The following DNAI3 variants were observed in gnomAD, a reference collection of about 807,000 sequenced individuals.
DNAI3 encodes dynein axonemal intermediate chain 3.
Under a neutral mutation model 115.5 loss-of-function variants are expected in DNAI3, and 83 were observed. That is an observed-to-expected ratio of 0.72 (90% CI 0.60 to 0.86). The LOEUF (loss-of-function observed/expected upper bound fraction) is 0.86, where lower values mean the gene tolerates loss of function less well. Among genes scored for constraint, DNAI3 ranks in the 40% least tolerant of loss-of-function variants. DNAI3 has a pLI of 0.00. For missense variants in DNAI3, 1,004 were observed against 1,075.8 expected (o/e 0.93, Z 0.93); for synonymous variants, 320 against 347.0 (o/e 0.92, Z 0.86).
intron 17 of DNAI3, among the ~76,000 whole-genome samples, chr1:85,121,242 A>C (rs1277351026): frequency 1.3e-5 from 2 of 152,260 alleles, no homozygotes; most frequent in African/African-American, 4.8e-5. Flanking sequence ...CATAAGACAG[A>C]ATAAGAATAC....
Position 85,084,779 on chromosome 1 carries a change from G to C in DNAI3, c.540+84G>C, listed in dbSNP as rs532162165. 7 of 1,266,148 alleles carry C rather than the reference G, an allele frequency of 5.5e-6. No homozygotes were observed. The East Asian group carries it at 2.0e-4, about 37-fold the overall frequency. The allele number at this position is 1,266,148 out of a possible 1,614,324, so 78.4% of individuals were successfully genotyped here. ...TCCTGAGGGATTCATAAGGTTTACT[G>C]TGTTTGCTATGGAGGCATAGTTTTT... On this transcript the variant is annotated intron_variant, in intron 6 of 22. Coordinates refer to ENST00000294664, the MANE Select transcript of DNAI3 (RefSeq NM_145172.5).
chr1:85,073,902 G>C (rs541432088), intron 3 of DNAI3, among the ~76,000 whole-genome samples: 250 of 152,234 alleles, frequency 1.6e-3, no homozygotes, highest in Non-Finnish European at 2.2e-3. Context: ...GGCAGTAGAG[G>C]GGGCAGAGGT....
In DNAI3 at chr1:85,085,970, A is replaced by G; in HGVS notation, c.680A>G (p.Glu227Gly). The change falls in exon 7 of 23, where the codon GAA becomes GGA. Residue 227 changes from glutamate (E) to glycine (G), a missense_variant. Around this residue, in one of 3 missense-constraint regions of DNAI3, gnomAD observed 550 missense variants for 568.1 expected, o/e 0.97. Coordinates refer to ENST00000294664, the MANE Select transcript of DNAI3 (RefSeq NM_145172.5). ...PDKNFTLKQL[E>G]KDVGMQVIPQ... ...AAAAATTTTACCCTTAAACAACTTG[A>G]AAAAGATGTTGGCATGCAAGTAATC... The G allele has an allele frequency of 1.2e-6, 2 of 1,614,172 alleles. No individual in the cohort carries two copies. The highest frequency in any genetic ancestry group is 1.7e-6 in the Non-Finnish European group (2 of 1,180,016).
intron 1 of DNAI3, among the ~76,000 whole-genome samples, chr1:85,071,376 A>T (rs1654268218): frequency 1.3e-5 from 2 of 152,244 alleles, no homozygotes; most frequent in African/African-American, 2.4e-5. Flanking sequence ...AAGCAGTTCC[A>T]TGGAAAACTT....
At chr1:85,130,321 A>G (rs1656275746) in intron 22 of DNAI3, 2 of 645,380 alleles carry the variant, frequency 3.1e-6, no homozygotes, top group Non-Finnish European at 5.0e-6. Flanking sequence ...AGTTTCTGAA[A>G]TTTTCTATAA....
intron 7 of DNAI3, among the ~76,000 whole-genome samples, chr1:85,088,551 C>T (rs987340723): frequency 6.6e-6 from 1 of 152,072 alleles, no homozygotes; most frequent in Non-Finnish European, 1.5e-5. Context: ...AAAGCAAATG[C>T]CTAGTGTTCC....
intron 1 of DNAI3, among the ~76,000 whole-genome samples, chr1:85,065,827 C>T (rs1654081320): frequency 6.6e-6 from 1 of 152,206 alleles, no homozygotes; most frequent in African/African-American, 2.4e-5. Flanking sequence ...ATTTATGTTA[C>T]TTATGCCTTC....
In DNAI3 at chr1:85,108,073, AC is replaced by A. The variant is rs781774059; in HGVS notation, c.1600del (p.Gln534LysfsTer34). 6.2e-7 allele frequency: 1 copy of A among 1,608,288 alleles called. No homozygotes were observed. Among genetic ancestry groups the A allele is most frequent in the Non-Finnish European group, 8.5e-7 (1 of 1,177,758 alleles). On this transcript the variant is annotated frameshift_variant, in exon 15 of 23. Transcript: ENST00000294664. LOFTEE classifies it high-confidence loss of function. ...GGATATTAGACCACAGAAACCTTTA[AC>A]CCCCCAAACAACAGAGAAAAAGAAG... ...FWDIRPQKPL[T>X]PQTTEKKKEE...
chr1:85,092,050 C>T (rs191619929), intron 8 of DNAI3, among the ~76,000 whole-genome samples: 5 of 152,202 alleles, frequency 3.3e-5, no homozygotes, highest in South Asian at 2.1e-4. Context: ...CTCGAGAGTC[C>T]GCTACACAGG....
At chr1:85,117,409 C>T (rs1341030403) in intron 16 of DNAI3, among the ~76,000 whole-genome samples, 1 of 152,036 alleles carries the variant, frequency 6.6e-6, no homozygotes, top group Non-Finnish European at 1.5e-5. Context: ...ACTTTTAAAA[C>T]AAGGTGACAT....
chr1:85,121,730 A>G lies in DNAI3; in HGVS notation c.1918-21A>G, dbSNP rs1277771448. ...CTCTTAAGTTGTCATTGTACTCATCAGGAACCTGTAATATTTTTAGGAAGG... is the reference window on the plus strand; with the variant it reads ...CTCTTAAGTTGTCATTGTACTCATCGGGAACCTGTAATATTTTTAGGAAGG... On this transcript the variant is annotated intron_variant, in intron 17 of 22. Coordinates refer to ENST00000294664, the MANE Select transcript of DNAI3 (RefSeq NM_145172.5). The G allele has an allele frequency of 1.9e-6, 3 of 1,613,036 alleles. No individual in the cohort carries two copies. In the South Asian group the frequency reaches 3.3e-5, roughly 18 times the overall value.
chr1:85,087,965 G>A (rs532412516), intron 7 of DNAI3, among the ~76,000 whole-genome samples: 2 of 152,248 alleles, frequency 1.3e-5, no homozygotes, highest in East Asian at 3.9e-4. Flanking sequence ...AAATGAGTCA[G>A]AAACAAGAGA....
rs1236180395 is a variant in DNAI3 at position 85,093,450 on chromosome 1, C to A, written c.858-8C>A. On this transcript the variant is annotated splice_polypyrimidine_tract_variant and splice_region_variant and intron_variant, in intron 8 of 22. Transcript: ENST00000294664. ...ATCTTAATTGCTTTTTTTATTTTTACAAATTAGTGTTGAAATAGCCCTGCA... is the reference window on the plus strand; with the variant it reads ...ATCTTAATTGCTTTTTTTATTTTTAAAAATTAGTGTTGAAATAGCCCTGCA... 1.9e-6 allele frequency: 3 copies of A among 1,608,964 alleles called. No homozygotes were observed. The highest frequency in any genetic ancestry group is 2.5e-6 in the Non-Finnish European group (3 of 1,178,130).
At chr1:85,062,786 A>T (rs1170487214) in intron 1 of DNAI3, among the ~76,000 whole-genome samples, 1 of 138,186 alleles carries the variant, frequency 7.2e-6, no homozygotes, top group East Asian at 2.0e-4. Context: ...GAACTCAATA[A>T]ACCATGAATG....
intron 1 of DNAI3, among the ~76,000 whole-genome samples, chr1:85,070,806 G>T (rs1233550299): frequency 6.6e-6 from 1 of 152,142 alleles, no homozygotes; most frequent in African/African-American, 2.4e-5. Context: ...CACAAGTAAA[G>T]TACTTGGAAC....
chr1:85,120,224 C>T (rs925836632), intron 17 of DNAI3, among the ~76,000 whole-genome samples: 1 of 152,194 alleles, frequency 6.6e-6, no homozygotes. Flanking sequence ...CACAGCTGAT[C>T]CATCTACTTT....
chr1:85,091,408 C>G (rs953605627), intron 8 of DNAI3, among the ~76,000 whole-genome samples: 6 of 152,092 alleles, frequency 3.9e-5, no homozygotes, highest in Non-Finnish European at 8.8e-5. Context: ...GATTCCATCC[C>G]TGAGATGTGG....
At chr1:85,114,589 T>G (rs1355591225) in intron 16 of DNAI3, among the ~76,000 whole-genome samples, 2 of 152,238 alleles carry the variant, frequency 1.3e-5, no homozygotes, top group Non-Finnish European at 2.9e-5. Flanking sequence ...GGCCATGATC[T>G]GCCTCCTGTG....
intron 5 of DNAI3, among the ~76,000 whole-genome samples, chr1:85,083,268 C>A (rs1331583849): frequency 6.6e-6 from 1 of 152,114 alleles, no homozygotes; most frequent in Non-Finnish European, 1.5e-5. Flanking sequence ...GGCGGGATCA[C>A]TTGAGGCCAG....
Sources: gnomAD v4.1 joint callset for allele counts (sites outside exome capture counted in the v4.1 genomes callset) on GRCh38, gnomAD v4.1.1 for gene constraint, gnomAD v4.1.1 regional missense constraint, MANE v1.5 for transcripts, NCBI Gene and HGNC (gene_info 2026-07-23, HGNC 2026-07-21) for gene names.